The following CERS6 variants were observed in gnomAD, a reference collection of about 807,000 sequenced individuals.
CERS6 encodes LAG1 homolog, ceramide synthase 6.
Under a neutral mutation model 56.8 loss-of-function variants are expected in CERS6, and 26 were observed. The observed-to-expected ratio is 0.46, with a 90% CI of 0.34 to 0.63. The LOEUF (loss-of-function observed/expected upper bound fraction) is 0.63. CERS6 is among the 30% of genes least tolerant of loss of function. The probability of loss-of-function intolerance (pLI) is 0.01; values close to 1 mark genes in which losing one functional copy is unlikely to be tolerated. For synonymous variants in CERS6, 164 were observed against 173.3 expected (o/e 0.95, Z 0.42); for missense variants, 415 against 467.5 (o/e 0.89, Z 1.04).
At chr2:168,610,903 A>T (rs1380459706) in intron 3 of CERS6, among the ~76,000 whole-genome samples, 2 of 152,028 alleles carry the variant, frequency 1.3e-5, no homozygotes, top group Non-Finnish European at 2.9e-5. Flanking sequence ...CGCCTCCCAG[A>T]TTCAAGCAAT....
intron 2 of CERS6, among the ~76,000 whole-genome samples, chr2:168,557,282 G>C (rs558070763): frequency 6.6e-6 from 1 of 152,280 alleles, no homozygotes; most frequent in African/African-American, 2.4e-5. Flanking sequence ...GATGAGGAAA[G>C]TTTTCAAGCA....
chr2:168,479,794 G>A (rs1393552177), intron 1 of CERS6, among the ~76,000 whole-genome samples: 1 of 152,108 alleles, frequency 6.6e-6, no homozygotes, highest in African/African-American at 2.4e-5. Context: ...TTTCAGTAGA[G>A]ACGGGGTTTC....
At chr2:168,669,260 A>T (rs999413018) in intron 4 of CERS6, among the ~76,000 whole-genome samples, 1 of 152,330 alleles carries the variant, frequency 6.6e-6, no homozygotes, top group East Asian at 1.9e-4. Flanking sequence ...CAGCACATCA[A>T]TGAAACAATT....
Position 168,588,405 on chromosome 2 carries a change from A to G in CERS6, c.407+27083A>G, listed in dbSNP as rs145470733. On this transcript the variant is annotated intron_variant, in intron 3 of 9. Coordinates refer to ENST00000305747, the MANE Select transcript of CERS6 (RefSeq NM_203463.3). ...GAAATTTTATACCCATTAAACACTT[A>G]ATTTCCCATTTTTTCCCTCTCCCAG... Among the ~76,000 whole-genome samples the G allele has an allele frequency of 3.8e-3, 569 of 151,472 alleles. 3 individuals carry two copies. The highest frequency in any genetic ancestry group is 0.013 in the African/African-American group (544 of 41,042).
chr2:168,638,669 CTTG>C (rs1174946390), intron 4 of CERS6, among the ~76,000 whole-genome samples: 2 of 152,060 alleles, frequency 1.3e-5, no homozygotes, highest in Non-Finnish European at 2.9e-5. Context: ...CTTATAGCTT[CTTG>C]TTTAGTGGTA....
intron 1 of CERS6, among the ~76,000 whole-genome samples, chr2:168,464,813 C>T (rs1319153559): frequency 6.6e-6 from 1 of 151,952 alleles, no homozygotes; most frequent in African/African-American, 2.4e-5. Context: ...AGACTAATCA[C>T]TAGGGAACTA....
chr2:168,751,498 C>T (rs1684266571), intron 8 of CERS6, among the ~76,000 whole-genome samples: 1 of 152,146 alleles, frequency 6.6e-6, no homozygotes. Flanking sequence ...TACTTGTTTC[C>T]ATGGACTATA....
intron 3 of CERS6, among the ~76,000 whole-genome samples, chr2:168,563,960 T>C (rs1440320370): frequency 2.6e-5 from 4 of 152,194 alleles, no homozygotes; most frequent in African/African-American, 9.7e-5. Flanking sequence ...TATGATATAG[T>C]ATTGATGAAG....
intron 8 of CERS6, among the ~76,000 whole-genome samples, chr2:168,729,038 T>C (rs931533126): frequency 6.7e-6 from 1 of 149,366 alleles, no homozygotes; most frequent in Non-Finnish European, 1.5e-5. Context: ...AAAGGTGCAT[T>C]GTCCTAGTAA....
At chr2:168,591,757 T>C (rs1160811969) in intron 3 of CERS6, among the ~76,000 whole-genome samples, 1 of 152,226 alleles carries the variant, frequency 6.6e-6, no homozygotes, top group Non-Finnish European at 1.5e-5. Flanking sequence ...TCTAGAAATA[T>C]TTTAAAGTAC....
chr2:168,598,836 G>A (rs1683866213), intron 3 of CERS6, among the ~76,000 whole-genome samples: 1 of 152,090 alleles, frequency 6.6e-6, no homozygotes, highest in African/African-American at 2.4e-5. Context: ...TTAGAATCTG[G>A]TAAGTTTGGA....
chr2:168,499,620 C>T (rs1167817846), intron 1 of CERS6, among the ~76,000 whole-genome samples: 1 of 152,138 alleles, frequency 6.6e-6, no homozygotes, highest in Non-Finnish European at 1.5e-5. Flanking sequence ...GTCCGTACAA[C>T]AGGTGGTTTG....
intron 5 of CERS6, among the ~76,000 whole-genome samples, chr2:168,693,006 A>G (rs1356759794): frequency 1.3e-5 from 2 of 152,202 alleles, no homozygotes; most frequent in Non-Finnish European, 2.9e-5. Context: ...TTAAGGATAC[A>G]CTTATTTTAT....
chr2:168,653,280 TG>T (rs1685390194), intron 4 of CERS6, among the ~76,000 whole-genome samples: 1 of 152,200 alleles, frequency 6.6e-6, no homozygotes, highest in Non-Finnish European at 1.5e-5. Flanking sequence ...TGCACCCCAG[TG>T]GGCTCTCCAC....
intron 8 of CERS6, among the ~76,000 whole-genome samples, chr2:168,750,664 G>A (rs1253501671): frequency 6.6e-6 from 1 of 152,140 alleles, no homozygotes; most frequent in Non-Finnish European, 1.5e-5. Context: ...GCATTAATTA[G>A]GATGTTTCCA....
intron 4 of CERS6, among the ~76,000 whole-genome samples, chr2:168,678,838 A>G (rs928840810): frequency 6.6e-6 from 1 of 152,222 alleles, no homozygotes; most frequent in East Asian, 1.9e-4. Flanking sequence ...CTGGGTATGT[A>G]TTCAAAGGGA....
At position 168,769,613 on chromosome 2, in the gene CERS6, G is replaced by A. The variant is rs1684814031; in HGVS notation, c.1106G>A (p.Ser369Asn). The change falls in exon 10 of 10, where the codon AGT becomes AAT. Residue 369 changes from serine to asparagine, a missense_variant. By Grantham distance (46) the Ser-to-Asn change is conservative (BLOSUM62 1). Coordinates refer to ENST00000305747, the MANE Select transcript of CERS6 (RefSeq NM_203463.3). ...PHTATTTNGT[S>N]GTNGYLLTGS... is the part of the protein sequence containing the mutation. The stretch of plus-strand genomic sequence containing the variant: ...ACTGCGACAACCACCAATGGGACCA[G>A]TGGTACCAACGGGTATCTCCTGACT... The A allele has an allele frequency of 1.9e-6, 3 of 1,612,540 alleles. No individual in the cohort carries two copies. Among genetic ancestry groups the A allele is most frequent in the Middle Eastern group, 1.6e-4 (1 of 6,080 alleles).
At chr2:168,579,085 A>T (rs1184951335) in intron 3 of CERS6, among the ~76,000 whole-genome samples, 1 of 152,234 alleles carries the variant, frequency 6.6e-6, no homozygotes, top group Non-Finnish European at 1.5e-5. Flanking sequence ...GCCCAAAAGA[A>T]GAGAGAATAG....
At chr2:168,609,921 G>C (rs2105272002) in intron 3 of CERS6, among the ~76,000 whole-genome samples, 1 of 151,198 alleles carries the variant, frequency 6.6e-6, no homozygotes. Context: ...CTTGAAAATA[G>C]AGGTAACTCC....
Sources: gnomAD v4.1 joint callset for allele counts (sites outside exome capture counted in the v4.1 genomes callset) on GRCh38, gnomAD v4.1.1 for gene constraint, MANE v1.5 for transcripts, NCBI Gene and HGNC (gene_info 2026-07-23, HGNC 2026-07-21) for gene names.